Variants in KALRN observed in about 807,000 individuals in gnomAD.
The protein encoded by KALRN is kalirin RhoGEF kinase, also known as kalirin.
Under a neutral mutation model 353.7 loss-of-function variants are expected in KALRN, and 70 were observed. The ratio of observed to expected loss-of-function variants is 0.20; its 90% CI spans 0.16 to 0.24. The LOEUF (loss-of-function observed/expected upper bound fraction) is 0.24. Ranked by LOEUF, KALRN falls within the 10% of genes least tolerant of loss-of-function variation. The pLI is 1.00. For synonymous variants in KALRN, 1,391 were observed against 1,434.8 expected, an observed-to-expected ratio of 0.97 and a Z score of 0.69; for missense variants, 2,791 against 3,756.7, an observed-to-expected ratio of 0.74 and a Z score of 6.72.
At chr3:124,538,540 A>C (rs1434423791) in intron 33 of KALRN, among the ~76,000 whole-genome samples, 1 of 152,234 alleles carries the variant, frequency 6.6e-6, no homozygotes, top group Non-Finnish European at 1.5e-5. Context: ...AACTTGTACA[A>C]AGAGAAACTT....
chr3:124,236,344 G>A (rs1333637636), intron 3 of KALRN, among the ~76,000 whole-genome samples: 1 of 152,168 alleles, frequency 6.6e-6, no homozygotes, highest in Non-Finnish European at 1.5e-5. Flanking sequence ...CAGAGGCAAG[G>A]AGGTAGACTA....
intron 33 of KALRN, among the ~76,000 whole-genome samples, chr3:124,547,750 C>T (rs1483720917): frequency 1.3e-5 from 2 of 151,816 alleles, no homozygotes; most frequent in African/African-American, 4.8e-5. Flanking sequence ...GTGCCCCTCC[C>T]CACCCCCCAG....
At chr3:124,251,274 T>A (rs1227514360) in intron 3 of KALRN, among the ~76,000 whole-genome samples, 1 of 152,124 alleles carries the variant, frequency 6.6e-6, no homozygotes, top group Non-Finnish European at 1.5e-5. Flanking sequence ...ACCCCCGCCA[T>A]TCCCGGAGCT....
chr3:124,633,207 A>T (rs886479768), intron 35 of KALRN, among the ~76,000 whole-genome samples: 1 of 152,218 alleles, frequency 6.6e-6, no homozygotes, highest in African/African-American at 2.4e-5. Context: ...TCAAAGAAAA[A>T]GTTTAATCTA....
chr3:124,304,162 T>A (rs977299383), intron 6 of KALRN, among the ~76,000 whole-genome samples: 3 of 113,066 alleles, frequency 2.7e-5, no homozygotes, highest in Admixed American at 1.9e-4. Context: ...ACACACACAC[T>A]ATTGTAATGT....
chr3:124,424,831 G>T (rs896428107), intron 15 of KALRN, among the ~76,000 whole-genome samples: 1 of 152,206 alleles, frequency 6.6e-6, no homozygotes, highest in African/African-American at 2.4e-5. Flanking sequence ...ATGGGGAGAA[G>T]TGGTGTTATG....
At chr3:124,488,139 G>T in intron 28 of KALRN, 65 bp from the exon 29 acceptor site, 1 of 930,374 alleles carries the variant, frequency 1.1e-6, no homozygotes, top group Non-Finnish European at 1.8e-6. Flanking sequence ...TTCCTTGCTG[G>T]GTTAGGTGGT....
intron 10 of KALRN, among the ~76,000 whole-genome samples, chr3:124,353,327 A>T (rs1191326013): frequency 6.6e-6 from 1 of 152,160 alleles, no homozygotes; most frequent in Non-Finnish European, 1.5e-5. Flanking sequence ...ACAGAGATGG[A>T]AAGTCTGTGC....
chr3:124,357,738 C>A (rs1288303338), intron 10 of KALRN, among the ~76,000 whole-genome samples: 1 of 152,190 alleles, frequency 6.6e-6, no homozygotes, highest in Non-Finnish European at 1.5e-5. Flanking sequence ...GTAGTTAGCA[C>A]AGTGCCATAA....
At chr3:124,034,576 C>A (rs1350616087) in intron 1 of KALRN, among the ~76,000 whole-genome samples, 1 of 151,892 alleles carries the variant, frequency 6.6e-6, no homozygotes, top group Non-Finnish European at 1.5e-5. Flanking sequence ...TAGCTCTTTG[C>A]GCCCCTGCCA....
chr3:124,490,797 G>C lies in KALRN; in HGVS notation c.4500G>C (p.Leu1500Phe). 1 of 1,614,022 alleles carries C rather than the reference G, an allele frequency of 6.2e-7. No individual in the cohort carries two copies. The highest frequency in any genetic ancestry group is 8.5e-7 in the Non-Finnish European group (1 of 1,179,944). Residue 1500 changes from leucine to phenylalanine, a missense_variant, in exon 30 of 60, where the codon TTG becomes TTC. Coordinates refer to ENST00000682506, the MANE Select transcript of KALRN (RefSeq NM_001388419.1). ...SLIRKGRERH[L>F]FLFEISLVFS... ...TCCGGAAGGGGCGGGAGCGGCACTT[G>C]TTCCTCTTTGAGATCTCCTTGGTTT...
In KALRN at chr3:124,398,688, C is replaced by G; in HGVS notation, c.2172-9C>G. The stretch of plus-strand genomic sequence containing the variant: ...TCTCCCTCCCTTTTTTCTCCCCACT[C>G]TGCCACAGGGACTCGGCTGTGTCCA... On this transcript the variant is annotated splice_polypyrimidine_tract_variant and intron_variant, in intron 12 of 59. Transcript: ENST00000682506. 1 of 1,614,098 alleles carries G rather than the reference C, an allele frequency of 6.2e-7. No individual in the cohort carries two copies. Among genetic ancestry groups the G allele is most frequent in the Non-Finnish European group, 8.5e-7 (1 of 1,179,984 alleles).
intron 45 of KALRN, among the ~76,000 whole-genome samples, chr3:124,664,087 ATT>A (rs1421358223): frequency 6.6e-6 from 1 of 151,874 alleles, no homozygotes; most frequent in Non-Finnish European, 1.5e-5. Flanking sequence ...GTTCTTAACC[ATT>A]TTTCTTCCGT....
At chr3:124,304,351 A>G (rs758793676) in intron 6 of KALRN, among the ~76,000 whole-genome samples, 2 of 152,146 alleles carry the variant, frequency 1.3e-5, no homozygotes, top group Non-Finnish European at 2.9e-5. Flanking sequence ...TTTCTTTTTG[A>G]TTACCACCCT....
At chr3:124,223,670 G>T (rs2078166522) in intron 1 of KALRN, among the ~76,000 whole-genome samples, 1 of 152,208 alleles carries the variant, frequency 6.6e-6, no homozygotes, top group South Asian at 2.1e-4. Flanking sequence ...GCTTTCTGAA[G>T]GAGGTTAGTA....
intron 10 of KALRN, among the ~76,000 whole-genome samples, chr3:124,383,582 A>AT (rs200759597): frequency 1.3e-3 from 197 of 151,306 alleles, no homozygotes; most frequent in African/African-American, 4.2e-3. Context: ...TTCACATGGC[A>AT]TTTTTTTTTA....
intron 31 of KALRN, among the ~76,000 whole-genome samples, chr3:124,492,410 T>A (rs1272335112): frequency 6.6e-6 from 1 of 152,172 alleles, no homozygotes; most frequent in Non-Finnish European, 1.5e-5. Context: ...ACCCAGGTGT[T>A]AATCCCTGTC....
chr3:124,147,567 T>C lies in KALRN; in HGVS notation c.74-80423T>C, dbSNP rs1023957438. Among the ~76,000 whole-genome samples the C allele has an allele frequency of 2.5e-4, 38 of 152,224 alleles. 1 individual carries two copies. The highest frequency in any genetic ancestry group is 9.2e-4 in the African/African-American group (38 of 41,450). The stretch of plus-strand genomic sequence containing the variant: ...AAATAATTATACCTTCATAGGAAGT[T>C]GCAAAGAAACATACATGGAAGTCCT... On this transcript the variant is annotated intron_variant, in intron 1 of 59. Transcript: ENST00000682506.
chr3:124,062,912 G>A (rs562195609), intron 1 of KALRN, among the ~76,000 whole-genome samples: 1 of 152,316 alleles, frequency 6.6e-6, no homozygotes, highest in Non-Finnish European at 1.5e-5. Flanking sequence ...TCACCTCGGA[G>A]CACTGAGGGA....
Sources: allele counts gnomAD v4.1 joint callset (sites outside exome capture counted in the v4.1 genomes callset), GRCh38; gene constraint gnomAD v4.1.1; transcripts MANE v1.5; gene names NCBI Gene and HGNC (gene_info 2026-07-23, HGNC 2026-07-21).